The following MYH15 variants were observed in gnomAD, a reference collection of about 807,000 sequenced individuals.
MYH15 encodes the protein myosin-15.
A neutral mutation model predicts 240.5 loss-of-function variants in MYH15; 227 were observed. The ratio of observed to expected loss-of-function variants is 0.94; its 90% CI spans 0.85 to 1.05. The LOEUF (loss-of-function observed/expected upper bound fraction) is 1.05. Among genes scored for constraint, MYH15 ranks in the 50% least tolerant of loss-of-function variants. The probability of loss-of-function intolerance (pLI) is 0.00; values close to 1 mark genes in which losing one functional copy is unlikely to be tolerated. For missense variants in MYH15, 2,217 were observed against 2,247.5 expected, an observed-to-expected ratio of 0.99 and a Z score of 0.27; for synonymous variants, 785 against 796.7, an observed-to-expected ratio of 0.99 and a Z score of 0.25.
chr3:108,404,451 C>T (rs1038606119), intron 33 of MYH15, among the ~76,000 whole-genome samples: 3 of 152,116 alleles, frequency 2.0e-5, no homozygotes, highest in Non-Finnish European at 4.4e-5. Flanking sequence ...ATATAATCAT[C>T]GTTAATTCCA....
In MYH15 at chr3:108,423,596, T is replaced by G. The variant is rs114839298; in HGVS notation, c.3703-2382A>C. Among the ~76,000 whole-genome samples the G allele has an allele frequency of 7.8e-3, 1,187 of 152,360 alleles. 13 individuals are homozygous for G. The highest frequency in any genetic ancestry group is 0.022 in the African/African-American group (926 of 41,584). On this transcript the variant is annotated intron_variant, in intron 27 of 40. Transcript: ENST00000693548. The stretch of plus-strand genomic sequence containing the variant: ...CTAATTATATGTTGAATTTGTTTGC[T>G]CTCACTTCTGAAAATGACTTTGACA...
intron 1 of MYH15, 93 bp from the exon 2 acceptor site, chr3:108,505,922 T>A (rs2083472618): frequency 2.6e-6 from 2 of 774,406 alleles, no homozygotes; most frequent in Non-Finnish European, 4.1e-6. Flanking sequence ...CTAATCTCAT[T>A]TCTGCTAAAT....
chr3:108,451,882 ATG>A (rs2082977264), intron 21 of MYH15, among the ~76,000 whole-genome samples: 1 of 152,022 alleles, frequency 6.6e-6, no homozygotes, highest in Non-Finnish European at 1.5e-5. Context: ...CAGAAAAACC[ATG>A]TGATTGTTTC....
intron 21 of MYH15, among the ~76,000 whole-genome samples, chr3:108,452,366 C>T (rs2082981448): frequency 6.6e-6 from 1 of 150,936 alleles, no homozygotes; most frequent in Non-Finnish European, 1.5e-5. Flanking sequence ...GAGACATTTA[C>T]AAAAATATCA....
rs181512770 is a variant in MYH15, at chr3:108,383,838, T to A, written c.5632-109A>T. Reference sequence around the variant, plus strand: ...TGAATAATGTGAAAAGAATCTAAACTTCTGAGTATTGAATGGGATATCATA... The same window carrying A: ...TGAATAATGTGAAAAGAATCTAAACATCTGAGTATTGAATGGGATATCATA... On this transcript the variant is annotated intron_variant, in intron 39 of 40. Coordinates refer to ENST00000693548, the MANE Select transcript of MYH15 (RefSeq NM_014981.3). 860 of 876,796 alleles carry A rather than the reference T, an allele frequency of 9.8e-4. 7 individuals are homozygous for A. In the African/African-American group the frequency reaches 0.013, roughly 14 times the overall value. 54.3% of individuals were successfully genotyped at this position (876,796 alleles called of 1,614,324 possible).
At chr3:108,537,679 A>G in the MYH15 span, among the ~76,000 whole-genome samples, 3 of 152,152 alleles carry the variant, frequency 2.0e-5, no homozygotes, top group African/African-American at 7.2e-5. Context: ...ATAGTTTACA[A>G]ATTACCTCGT....
At chr3:108,469,163 A>T (rs1342964484) in intron 14 of MYH15, among the ~76,000 whole-genome samples, 1 of 152,228 alleles carries the variant, frequency 6.6e-6, no homozygotes, top group Non-Finnish European at 1.5e-5. Context: ...ACACGGATTG[A>T]TAAAACCCAG....
chr3:108,514,653 C>T (rs1322228738), upstream of MYH15, among the ~76,000 whole-genome samples: 1 of 151,822 alleles, frequency 6.6e-6, no homozygotes, highest in Non-Finnish European at 1.5e-5. Flanking sequence ...TGGAGCTGGT[C>T]ATATGGCAAA....
In MYH15 at chr3:108,421,072, C is replaced by T. The variant is rs751516017; in HGVS notation, c.3829+16G>A. The T allele has an allele frequency of 3.1e-6, 5 of 1,613,702 alleles. No individual in the cohort carries two copies. The South Asian group carries it at 4.4e-5, about 14-fold the overall frequency. ...GATTGAGAATTGCCTATGAGTCAAG[C>T]AGCATACTTACTTACCACTCTCACT... On this transcript the variant is annotated intron_variant, in intron 28 of 40. Coordinates refer to ENST00000693548, the MANE Select transcript of MYH15 (RefSeq NM_014981.3).
chr3:108,456,409 T>C (rs1411657795), intron 19 of MYH15, among the ~76,000 whole-genome samples: 2 of 152,194 alleles, frequency 1.3e-5, no homozygotes, highest in East Asian at 1.9e-4. Flanking sequence ...CTTCCTTCCT[T>C]TCAGGGGCTT....
intron 1 of MYH15, among the ~76,000 whole-genome samples, chr3:108,528,932 A>T (rs2083693458): frequency 1.3e-5 from 2 of 152,216 alleles, no homozygotes; most frequent in Non-Finnish European, 2.9e-5. Flanking sequence ...CTAAGTACAG[A>T]GAGGAAATTC....
intron 11 of MYH15, among the ~76,000 whole-genome samples, chr3:108,481,125 G>A (rs2083263243): frequency 6.6e-6 from 1 of 152,106 alleles, no homozygotes; most frequent in Non-Finnish European, 1.5e-5. Context: ...CATCTAAAAA[G>A]ATATTGCAGA....
At chr3:108,520,103 GC>G (rs2083606084) in intron 1 of MYH15, among the ~76,000 whole-genome samples, 1 of 152,212 alleles carries the variant, frequency 6.6e-6, no homozygotes, top group Admixed American at 6.5e-5. Flanking sequence ...TTAAGATGTG[GC>G]TTCTGTTTCA....
At chr3:108,524,384 T>G (rs1166837374) in intron 1 of MYH15, among the ~76,000 whole-genome samples, 1 of 152,098 alleles carries the variant, frequency 6.6e-6, no homozygotes, top group Non-Finnish European at 1.5e-5. Context: ...GTTTATCTTG[T>G]CTACTTTTCT....
At chr3:108,497,556 G>A (rs1431360552) in intron 6 of MYH15, among the ~76,000 whole-genome samples, 1 of 151,934 alleles carries the variant, frequency 6.6e-6, no homozygotes, top group Non-Finnish European at 1.5e-5. Context: ...TTTTAATAGG[G>A]AAGGCAAAGT....
chr3:108,489,936 C>T (rs535328493), intron 9 of MYH15, among the ~76,000 whole-genome samples: 63 of 152,252 alleles, frequency 4.1e-4, no homozygotes, highest in Non-Finnish European at 8.8e-5. Context: ...CCCCAAAGAC[C>T]GAAGAAGATA....
Position 108,402,283 on chromosome 3 carries a change from G to C in MYH15, c.4737-3016C>G, listed in dbSNP as rs367966501. Among the ~76,000 whole-genome samples the C allele has an allele frequency of 3.9e-5, 6 of 152,322 alleles. 1 individual carries two copies. The highest frequency in any genetic ancestry group is 1.4e-4 in the African/African-American group (6 of 41,574). ...GCATATTCTGGCAGAGATTCACTCAGACAATAAAAGAAACCAAGTCAGATG... is the reference window on the plus strand; with the variant it reads ...GCATATTCTGGCAGAGATTCACTCACACAATAAAAGAAACCAAGTCAGATG... On this transcript the variant is annotated intron_variant, in intron 33 of 40. Transcript: ENST00000693548.
chr3:108,490,369 C>G (rs927993568), intron 9 of MYH15, among the ~76,000 whole-genome samples: 1 of 152,246 alleles, frequency 6.6e-6, no homozygotes, highest in African/African-American at 2.4e-5. Flanking sequence ...CATCAGTTTA[C>G]TAGCCTGGAT....
the MYH15 span, among the ~76,000 whole-genome samples, chr3:108,549,347 C>A: frequency 6.6e-6 from 1 of 151,028 alleles, no homozygotes; most frequent in Admixed American, 6.6e-5. Flanking sequence ...AGAAAAACAA[C>A]AGAAACAATA....
Sources: allele counts gnomAD v4.1 joint callset (sites outside exome capture counted in the v4.1 genomes callset), GRCh38; gene constraint gnomAD v4.1.1; transcripts MANE v1.5; gene names NCBI Gene and HGNC (gene_info 2026-07-23, HGNC 2026-07-21).